CPM: variants seen among roughly 807,000 people sequenced by gnomAD.
The protein encoded by CPM is renal carboxypeptidase.
In CPM, 35 loss-of-function variants were observed where a neutral mutation model predicts 46.4. The observed-to-expected ratio is 0.75, with a 90% CI of 0.58 to 1.00. The LOEUF (loss-of-function observed/expected upper bound fraction) is 1.00, where lower values mean the gene tolerates loss of function less well. Among genes scored for constraint, CPM ranks in the 50% least tolerant of loss-of-function variants. The pLI is 0.00. For missense variants in CPM, 422 were observed against 530.4 expected (o/e 0.80, Z 2.01); for synonymous variants, 195 against 195.3 (o/e 1.00, Z 0.01).
At chr12:68,901,778 G>A (rs918321512) in intron 2 of CPM, among the ~76,000 whole-genome samples, 5 of 152,020 alleles carry the variant, frequency 3.3e-5, no homozygotes, top group Non-Finnish European at 7.4e-5. Flanking sequence ...ATAAATGTTC[G>A]GACTTATTCA....
intron 2 of CPM, among the ~76,000 whole-genome samples, chr12:68,925,862 G>GTTACAATAAT (rs1182670327): frequency 1.5e-4 from 23 of 152,084 alleles, no homozygotes; most frequent in Admixed American, 7.2e-4. Context: ...TTAATCTTCT[G>GTTACAATAAT]CTAGTTACAA....
At chr12:68,936,385 C>G (rs951826998), upstream of CPM, among the ~76,000 whole-genome samples, 8 of 151,732 alleles carry the variant, frequency 5.3e-5, no homozygotes, top group Non-Finnish European at 7.4e-5. Flanking sequence ...GATCTTCTTT[C>G]TTTCTTCTTT....
chr12:68,914,322 T>A (rs572439811), intron 2 of CPM, among the ~76,000 whole-genome samples: 3 of 151,550 alleles, frequency 2.0e-5, no homozygotes, highest in African/African-American at 7.3e-5. Flanking sequence ...AAAAAACTTA[T>A]CACAGAGTTT....
chr12:68,843,777 T>C (rs1884020215), intron 5 of CPM: 1 of 222,742 alleles, frequency 4.5e-6, no homozygotes, highest in South Asian at 1.8e-4. Flanking sequence ...CTCCAAGCAT[T>C]ATTTGGAGTT....
At chr12:68,923,214 T>TGTGTG (rs57539846) in intron 2 of CPM, among the ~76,000 whole-genome samples, 15 of 138,520 alleles carry the variant, frequency 1.1e-4, no homozygotes, top group Non-Finnish European at 1.2e-4. Flanking sequence ...TGTGTGTGTG[T>TGTGTG]TTTGAGTAAT....
intron 1 of CPM, among the ~76,000 whole-genome samples, chr12:68,947,192 G>A (rs1888861671): frequency 6.6e-6 from 1 of 152,232 alleles, no homozygotes; most frequent in African/African-American, 2.4e-5. Context: ...AGATGGATCT[G>A]TTTAAGCTGT....
intron 2 of CPM, among the ~76,000 whole-genome samples, chr12:68,911,339 G>A (rs1199828560): frequency 6.6e-6 from 1 of 152,212 alleles, no homozygotes; most frequent in Non-Finnish European, 1.5e-5. Flanking sequence ...TGTGCTGGCA[G>A]GAACAAGGTC....
intron 3 of CPM, among the ~76,000 whole-genome samples, chr12:68,873,960 C>G (rs1885826009): frequency 6.6e-6 from 1 of 151,994 alleles, no homozygotes. Flanking sequence ...TGCCCACCAG[C>G]ATGTCTGGCT....
At chr12:68,874,707 T>C (rs894520141) in intron 3 of CPM, among the ~76,000 whole-genome samples, 2 of 152,154 alleles carry the variant, frequency 1.3e-5, no homozygotes, top group African/African-American at 4.8e-5. Flanking sequence ...GAGGAGGAAG[T>C]GACCAGGAGT....
chr12:68,936,099 G>A (rs140758787), upstream of CPM, among the ~76,000 whole-genome samples: 1,142 of 152,264 alleles, frequency 7.5e-3, 6 homozygotes, highest in Middle Eastern at 0.017. Flanking sequence ...GAGTGCTGAA[G>A]GTTTAGGAGC....
chr12:68,936,129 C>A (rs1321815488), upstream of CPM, among the ~76,000 whole-genome samples: 1 of 152,034 alleles, frequency 6.6e-6, no homozygotes, highest in African/African-American at 2.4e-5. Context: ...AGAGTGCAGG[C>A]CAGGGACAGC....
Position 68,856,327 on chromosome 12 carries a change from G to A in CPM, c.*110C>T, listed in dbSNP as rs1335045227. The A allele has an allele frequency of 1.9e-5, 22 of 1,180,122 alleles. No individual in the cohort carries two copies. The highest frequency in any genetic ancestry group is 6.2e-5 in the African/African-American group (4 of 64,966). The allele number at this position is 1,180,122 out of a possible 1,614,324, so 73.1% of individuals were successfully genotyped here. ...TCCATTTCTCTTCTTCAGGAAGATC[G>A]TGGAGTTTCTCCAGTCAAGGTCCCA... On this transcript the variant is annotated 3_prime_UTR_variant, in exon 9 of 9. Transcript: ENST00000551568.
At chr12:68,847,448 C>CTTT (rs1461223164), downstream of CPM, 7 of 66,774 alleles carry the variant, frequency 1.0e-4, no homozygotes, top group Non-Finnish European at 1.4e-4. Context: ...TTTGTATCTC[C>CTTT]TTTCTTTTTT....
At chr12:68,944,106 T>C (rs1888805692) in intron 1 of CPM, among the ~76,000 whole-genome samples, 1 of 152,216 alleles carries the variant, frequency 6.6e-6, no homozygotes, top group African/African-American at 2.4e-5. Flanking sequence ...CAATGACCTC[T>C]GGAAAGTCAA....
chr12:68,960,093 A>C (rs923667481), intron 1 of CPM, among the ~76,000 whole-genome samples: 9 of 152,202 alleles, frequency 5.9e-5, no homozygotes, highest in Admixed American at 5.9e-4. Context: ...TAAGTCAGTA[A>C]AAGTCAGAAT....
intron 2 of CPM, among the ~76,000 whole-genome samples, chr12:68,919,504 G>T (rs1887947968): frequency 6.6e-6 from 1 of 152,190 alleles, no homozygotes; most frequent in Non-Finnish European, 1.5e-5. Flanking sequence ...AGAATTATTT[G>T]ACCAAAGAGC....
At chr12:68,877,406 A>G (rs148418897) in intron 3 of CPM, among the ~76,000 whole-genome samples, 1 of 152,352 alleles carries the variant, frequency 6.6e-6, no homozygotes, top group East Asian at 1.9e-4. Flanking sequence ...CTGAGGAAGA[A>G]CTTTCTGAAA....
chr12:68,897,336 C>T (rs567936486), intron 2 of CPM, among the ~76,000 whole-genome samples: 1 of 151,416 alleles, frequency 6.6e-6, no homozygotes, highest in East Asian at 1.9e-4. Flanking sequence ...AAGTGAAAAC[C>T]TCTAGGGACC....
intron 2 of CPM, among the ~76,000 whole-genome samples, chr12:68,893,475 G>A (rs944592441): frequency 2.9e-4 from 44 of 152,188 alleles, no homozygotes; most frequent in African/African-American, 9.9e-4. Flanking sequence ...TTTATGGACA[G>A]GGGAACCTGT....
Sources: gnomAD v4.1 joint callset for allele counts (sites outside exome capture counted in the v4.1 genomes callset) on GRCh38, gnomAD v4.1.1 for gene constraint, MANE v1.5 for transcripts, NCBI Gene and HGNC (gene_info 2026-07-23, HGNC 2026-07-21) for gene names.